DDX52: variants seen among roughly 807,000 people sequenced by gnomAD.
The protein encoded by DDX52 is DExD-box helicase 52.
Under a neutral mutation model 76.1 loss-of-function variants are expected in DDX52, and 59 were observed. That is an observed-to-expected ratio of 0.78 (90% confidence interval 0.63 to 0.96). DDX52 has a LOEUF of 0.96. Among genes scored for constraint, DDX52 ranks in the 40% least tolerant of loss-of-function variants. The pLI, the probability that DDX52 is intolerant of heterozygous loss-of-function variation, is 0.00. For missense variants in DDX52, 707 were observed against 703.9 expected (o/e 1.00, Z -0.05); for synonymous variants, 231 against 244.1 (o/e 0.95, Z 0.50).
Position 37,620,948 on chromosome 17 carries a change from C to T in DDX52, c.1502G>A (p.Gly501Asp), listed in dbSNP as rs1471084672. Residue 501 changes from glycine (G) to aspartate (D), a missense_variant and splice_region_variant, in exon 12 of 15, where the codon GGT (glycine) becomes GAT (aspartate). By Grantham distance (94) the Gly-to-Asp change is moderately conservative (BLOSUM62 -1). Transcript: ENST00000617633. The stretch of plus-strand genomic sequence containing the variant: ...CTTATTCCCTGCTCTTCCAGTTCGA[C>T]CTAAGAAAAATTAGACCATTAAAAA... ...TSSVEYIHRI[G>D]RTGRAGNKGK... The T allele has an allele frequency of 1.9e-6, 3 of 1,587,448 alleles. No homozygotes were observed. Among genetic ancestry groups the T allele is most frequent in the Non-Finnish European group, 2.6e-6 (3 of 1,172,568 alleles).
Position 37,633,353 on chromosome 17 carries a change from C to CT in DDX52, c.351dup (p.Asp118ArgfsTer9). The CT allele has an allele frequency of 6.2e-7, 1 of 1,611,382 alleles. No individual in the cohort carries two copies. Among genetic ancestry groups the CT allele is most frequent in the East Asian group, 2.2e-5 (1 of 44,682 alleles). ...TTACTTTCTCTCTGAACTTTTTTGT[C>CT]TTCAATCTTTGCTTCTACAGATGAC... On this transcript the variant is annotated frameshift_variant, in exon 3 of 15. Coordinates refer to ENST00000617633, the MANE Select transcript of DDX52 (RefSeq NM_007010.5). LOFTEE classifies it high-confidence loss of function.
At chr17:37,621,070 G>A (rs749398921) in intron 11 of DDX52, 57 bp downstream of exon 11, 17 of 1,564,034 alleles carry the variant, frequency 1.1e-5, no homozygotes, top group Non-Finnish European at 1.5e-5. Context: ...GGGAATAGCA[G>A]GGGTCCTAAG....
chr17:37,618,259 G>T (rs1239231138), intron 14 of DDX52, 33 bp downstream of exon 14: 2 of 1,543,564 alleles, frequency 1.3e-6, no homozygotes, highest in Non-Finnish European at 1.8e-6. Flanking sequence ...TTATGATGGT[G>T]TCAAACAGCC....
chr17:37,640,350 T>A (rs536152065), intron 2 of DDX52, among the ~76,000 whole-genome samples: 1 of 152,224 alleles, frequency 6.6e-6, no homozygotes, highest in Admixed American at 6.5e-5. Flanking sequence ...CCAAACAACC[T>A]CCAAGATACA....
At chr17:37,615,929 A>C (rs1007576125) in intron 14 of DDX52, among the ~76,000 whole-genome samples, 4 of 150,330 alleles carry the variant, frequency 2.7e-5, no homozygotes, top group Non-Finnish European at 3.0e-5. Flanking sequence ...CAGGAGAATC[A>C]CTTGAACCCG....
In DDX52 at chr17:37,612,597, CT is replaced by C. The variant is rs2064380591; in HGVS notation, c.*1698del. The C allele has an allele frequency of 6.6e-6, 1 of 152,090 alleles. No homozygotes were observed. Among genetic ancestry groups the C allele is most frequent in the African/African-American group, 2.4e-5 (1 of 41,408 alleles). The allele number at this position is 152,090 out of a possible 1,614,324, so 9.4% of individuals were successfully genotyped here. A position where few individuals can be genotyped will look rare whatever the true frequency, so the allele number is the denominator to read the frequency against. On this transcript the variant is annotated 3_prime_UTR_variant, in exon 15 of 15. Transcript: ENST00000617633. ...GATGTTTACACAATGACAATATCAC[CT>C]AACGATGCATTTCTCAGAACATATC...
At chr17:37,628,203 T>C (rs1311495169) in intron 6 of DDX52, among the ~76,000 whole-genome samples, 5 of 152,188 alleles carry the variant, frequency 3.3e-5, no homozygotes, top group Non-Finnish European at 7.3e-5. Flanking sequence ...TAAGTGTTCG[T>C]TGCAGGGGAC....
rs139218282 is a variant in DDX52 at position 37,628,833 on chromosome 17, C to T, written c.748-161G>A. ...AACCTGAAATCTCAGCATTTTGAAA[C>T]TTCAATGCCTAATAAGATTCAATAA... On this transcript the variant is annotated intron_variant, in intron 5 of 14. Coordinates refer to ENST00000617633, the MANE Select transcript of DDX52 (RefSeq NM_007010.5). Among the ~76,000 whole-genome samples the T allele has an allele frequency of 7.6e-3, 1,160 of 152,280 alleles. 10 individuals carry two copies. The highest frequency in any genetic ancestry group is 0.012 in the Non-Finnish European group (822 of 68,016).
rs1450028492 is a variant in DDX52 at position 37,643,314 on chromosome 17, CGGTCCCTT to C, written c.87+12_87+19del. On this transcript the variant is annotated intron_variant, in intron 1 of 14. Transcript: ENST00000617633. ...TGCTCCTTCTCAGTTACTCGGCCCT[CGGTCCCTT>C]GGGCACAGTACCTGGAATCGAGCTG... 6.2e-7 allele frequency: 1 copy of C among 1,606,488 alleles called. No homozygotes were observed. The highest frequency in any genetic ancestry group is 8.5e-7 in the Non-Finnish European group (1 of 1,174,666).
At chr17:37,630,567 T>C (rs1568606100) in intron 4 of DDX52, among the ~76,000 whole-genome samples, 1 of 151,912 alleles carries the variant, frequency 6.6e-6, no homozygotes, top group Non-Finnish European at 1.5e-5. Context: ...ACAAAATGGC[T>C]GAAGAAATAA....
In DDX52 at chr17:37,643,390, C is replaced by T. The variant is rs762451731; in HGVS notation, c.31G>A (p.Gly11Ser). 1.2e-6 allele frequency: 2 copies of T among 1,613,992 alleles called. No individual in the cohort carries two copies. Among genetic ancestry groups the T allele is most frequent in the East Asian group, 2.2e-5 (1 of 44,862 alleles). The change falls in exon 1 of 15, where the codon GGC becomes AGC. Residue 11 changes from glycine to serine, a missense_variant. Gly to Ser is a moderately conservative substitution (Grantham distance 56). Coordinates refer to ENST00000617633, the MANE Select transcript of DDX52 (RefSeq NM_007010.5). ...CTCGTGTCGAATTTGGCCCCCGCGC[C>T]GAGCCGGCGAAAGAGATCGTGGACG... The part of the protein sequence containing the change: MDVHDLFRRL[G>S]AGAKFDTRRF...
chr17:37,635,575 A>T, intron 2 of DDX52: 1 of 455,396 alleles, frequency 2.2e-6, no homozygotes, highest in Non-Finnish European at 4.4e-6. Context: ...GTAGTATTCC[A>T]TTGTAATGGA....
At chr17:37,614,626 C>T (rs1286282197) in intron 14 of DDX52, among the ~76,000 whole-genome samples, 6 of 152,196 alleles carry the variant, frequency 3.9e-5, no homozygotes, top group Non-Finnish European at 8.8e-5. Context: ...TGATTCAGTG[C>T]TTACTGCATG....
Position 37,614,006 on chromosome 17 carries a change from T to TAGAA in DDX52, c.*289_*290insTTCT, listed in dbSNP as rs1203922619. ...AGCTGGGTGCAGCAGCTTGTGCCTG[T>TAGAA]AATCTCAGTTACTCAGGAGGCTAAG... On this transcript the variant is annotated 3_prime_UTR_variant, in exon 15 of 15. Transcript: ENST00000617633. 2 of 314,378 alleles carry TAGAA rather than the reference T, an allele frequency of 6.4e-6. No homozygotes were observed. The highest frequency in any genetic ancestry group is 5.8e-6 in the Non-Finnish European group (1 of 173,568). 19.5% of individuals were successfully genotyped at this position (314,378 alleles called of 1,614,324 possible).
chr17:37,626,846 T>C lies in DDX52; in HGVS notation c.874A>G (p.Thr292Ala), dbSNP rs2030406814. Residue 292 changes from threonine to alanine, a missense_variant, in exon 7 of 15, where the codon ACT becomes GCT. Transcript: ENST00000617633. ...AATAAATAGATTAGTCGATTTGGAGTAGTCACAAGAATATCTATAGGAAAA... is the reference window on the plus strand; with the variant it reads ...AATAAATAGATTAGTCGATTTGGAGCAGTCACAAGAATATCTATAGGAAAA... ...SSKKFDILVT[T>A]PNRLIYLLKQ... 4 of 1,611,798 alleles carry C rather than the reference T, an allele frequency of 2.5e-6. No individual in the cohort carries two copies. The highest frequency in any genetic ancestry group is 2.2e-5 in the East Asian group (1 of 44,780).
At chr17:37,632,768 A>G (rs1482274397) in intron 3 of DDX52, among the ~76,000 whole-genome samples, 1 of 152,226 alleles carries the variant, frequency 6.6e-6, no homozygotes, top group Non-Finnish European at 1.5e-5. Flanking sequence ...TTGCCATAGT[A>G]ATCCCTGAAG....
intron 2 of DDX52, among the ~76,000 whole-genome samples, chr17:37,639,037 G>A (rs1265471660): frequency 2.0e-5 from 3 of 152,006 alleles, no homozygotes; most frequent in African/African-American, 7.3e-5. Flanking sequence ...CTCCCAAAGT[G>A]TTGGGATTAC....
intron 2 of DDX52, among the ~76,000 whole-genome samples, chr17:37,634,341 G>A (rs2030828877): frequency 6.6e-6 from 1 of 151,794 alleles, no homozygotes; most frequent in African/African-American, 2.4e-5. Context: ...ACTTAAAATA[G>A]CAATGAACGG....
intron 9 of DDX52, chr17:37,624,107 G>T: frequency 6.7e-6 from 2 of 298,070 alleles, no homozygotes; most frequent in Non-Finnish European, 1.2e-5. Flanking sequence ...GCAAGCTTCT[G>T]TCCCTTGGGA....
Sources: gnomAD v4.1 joint callset for allele counts (sites outside exome capture counted in the v4.1 genomes callset) on GRCh38, gnomAD v4.1.1 for gene constraint, MANE v1.5 for transcripts, NCBI Gene and HGNC (gene_info 2026-07-23, HGNC 2026-07-21) for gene names.